POLR3H: variants seen among roughly 807,000 people sequenced by gnomAD.
POLR3H encodes DNA-directed RNA polymerase III subunit RPC8.
Under a neutral mutation model 25.5 loss-of-function variants are expected in POLR3H, and 17 were observed. The ratio of observed to expected loss-of-function variants is 0.67; its 90% CI spans 0.46 to 1.00. The LOEUF is 1.00. POLR3H is among the 50% of genes least tolerant of loss of function. The probability of loss-of-function intolerance (pLI) is 0.00; values close to 1 mark genes in which losing one functional copy is unlikely to be tolerated. For synonymous variants in POLR3H, 129 were observed against 103.0 expected, an observed-to-expected ratio of 1.25 and a Z score of -1.53; for missense variants, 274 against 265.0, an observed-to-expected ratio of 1.03 and a Z score of -0.24.
intron 3 of POLR3H, 141 bp downstream of exon 3, chr22:41,532,518 G>A (rs964597001): frequency 8.2e-6 from 12 of 1,466,360 alleles, no homozygotes; most frequent in Non-Finnish European, 9.3e-6. Flanking sequence ...ACATAAAAGG[G>A]AGGGTGGGCA....
At position 41,540,617 on chromosome 22, in the gene POLR3H, T is replaced by C. The variant is rs750373022; in HGVS notation, c.208+82A>G. ...CCTCAGCCTTACAGGCACGCACCAC[T>C]GAACCTGGATTTGGCTTGACCTTTG... On this transcript the variant is annotated intron_variant, in intron 2 of 5. Transcript: ENST00000355209. 9 of 1,081,616 alleles carry C rather than the reference T, an allele frequency of 8.3e-6. No individual in the cohort carries two copies. The South Asian group carries it at 1.0e-4, about 12-fold the overall frequency. 67.0% of individuals were successfully genotyped at this position (1,081,616 alleles called of 1,614,324 possible). A position where few individuals can be genotyped will look rare whatever the true frequency, so the allele number is the denominator to read the frequency against.
rs750252370 is a variant in POLR3H at position 41,528,855 on chromosome 22, A to G, written c.*428T>C. On this transcript the variant is annotated 3_prime_UTR_variant, in exon 6 of 6. Coordinates refer to ENST00000355209, the MANE Select transcript of POLR3H (RefSeq NM_001018050.4). The stretch of plus-strand genomic sequence containing the variant: ...ATCTTAAGCAGCTCCATGCAACTGT[A>G]TTTATTTTTGATGACAAGACTCCCA... 11 of 546,498 alleles carry G rather than the reference A, an allele frequency of 2.0e-5. No individual in the cohort carries two copies. The highest frequency in any genetic ancestry group is 3.9e-5 in the African/African-American group (2 of 51,768). The allele number at this position is 546,498 out of a possible 1,614,324, so 33.9% of individuals were successfully genotyped here.
chr22:41,533,444 A>G, intron 2 of POLR3H: 1 of 1,068,696 alleles, frequency 9.4e-7, no homozygotes, highest in Non-Finnish European at 1.2e-6. Flanking sequence ...CCGTGAGGAT[A>G]AGGCAGTGGC....
intron 5 of POLR3H, chr22:41,529,616 G>A (rs1290674511): frequency 2.3e-5 from 16 of 697,296 alleles, no homozygotes; most frequent in African/African-American, 6.9e-5. Flanking sequence ...GGTTCTAATC[G>A]TGGCAGGAAG....
At chr22:41,532,959 T>C (rs899373626) in intron 2 of POLR3H, among the ~76,000 whole-genome samples, 5 of 152,048 alleles carry the variant, frequency 3.3e-5, no homozygotes, top group African/African-American at 1.2e-4. Flanking sequence ...CTCCCAAAAC[T>C]GCCAGGTTAC....
rs1005361805 is a variant in POLR3H, at chr22:41,529,280, G to C, written c.*3C>G. ...TGGTAGGGTCCACTGTCCAGCCCCA[G>C]GGCTAGTTGCTGGTCCACCAGGAGA... On this transcript the variant is annotated 3_prime_UTR_variant, in exon 6 of 6. Transcript: ENST00000355209. 1 of 1,612,888 alleles carries C rather than the reference G, an allele frequency of 6.2e-7. No individual in the cohort carries two copies. The highest frequency in any genetic ancestry group is 1.3e-5 in the African/African-American group (1 of 75,062).
chr22:41,532,310 C>G (rs558655192), intron 3 of POLR3H, among the ~76,000 whole-genome samples, 153 bp from the exon 4 acceptor site: 3 of 151,894 alleles, frequency 2.0e-5, no homozygotes, highest in African/African-American at 7.3e-5. Flanking sequence ...CACCTAATGC[C>G]TCTGCGTACA....
At chr22:41,533,667 G>A in intron 2 of POLR3H, 1 of 1,304,020 alleles carries the variant, frequency 7.7e-7, no homozygotes, top group Non-Finnish European at 1.0e-6. Flanking sequence ...ATGAGGAGAG[G>A]CAGCCGATGG....
At chr22:41,533,399 C>T (rs1260185598) in intron 2 of POLR3H, 12 of 712,744 alleles carry the variant, frequency 1.7e-5, no homozygotes, top group South Asian at 8.4e-5. Context: ...AATCAGCACG[C>T]GGCTGCCCCC....
At chr22:41,543,677 T>A in intron 1 of POLR3H, 1 of 481,484 alleles carries the variant, frequency 2.1e-6, no homozygotes, top group Non-Finnish European at 4.0e-6. Flanking sequence ...AAACAATGCA[T>A]GGCTGGAAGG....
chr22:41,528,192 G>T lies in POLR3H; in HGVS notation c.*1091C>A, dbSNP rs1461812556. The T allele has an allele frequency of 9.1e-7, 1 of 1,103,074 alleles. No homozygotes were observed. Among genetic ancestry groups the T allele is most frequent in the Admixed American group, 2.7e-5 (1 of 37,658 alleles). 68.3% of individuals were successfully genotyped at this position (1,103,074 alleles called of 1,614,324 possible). A position where few individuals can be genotyped will look rare whatever the true frequency, so the allele number is the denominator to read the frequency against. ...AAGCAAAGTGGCTTCTCAGAGTTGGGGGTTGGAGTCAACCCGGGGCCCTCA... is the reference window on the plus strand; with the variant it reads ...AAGCAAAGTGGCTTCTCAGAGTTGGTGGTTGGAGTCAACCCGGGGCCCTCA... On this transcript the variant is annotated 3_prime_UTR_variant, in exon 6 of 6. Coordinates refer to ENST00000355209, the MANE Select transcript of POLR3H (RefSeq NM_001018050.4).
rs1422987693 is a variant in POLR3H at position 41,536,569 on chromosome 22, T to TA, written c.209-3825dup. Among the ~76,000 whole-genome samples the TA allele has an allele frequency of 9.2e-3, 1,233 of 134,302 alleles. 9 individuals carry two copies. The highest frequency in any genetic ancestry group is 0.017 in the African/African-American group (636 of 36,494). 88.1% of individuals were successfully genotyped at this position (134,302 alleles called of 152,430 possible). A position where few individuals can be genotyped will look rare whatever the true frequency, so the allele number is the denominator to read the frequency against. The stretch of plus-strand genomic sequence containing the variant: ...AATGATAAACATGTCAAAAAAGGTT[T>TA]AAAAAAAAAAAAAAGGCCAGGCGCA... On this transcript the variant is annotated intron_variant, in intron 2 of 5. Coordinates refer to ENST00000355209, the MANE Select transcript of POLR3H (RefSeq NM_001018050.4).
rs768765699 is a variant in POLR3H, at chr22:41,529,304, G to C, written c.594C>G (p.Leu198=). Residue 198 remains leucine, a synonymous_variant, in exon 6 of 6, where the codon CTC becomes CTG. Transcript: ENST00000355209. ...GSISEPGLGL[L]SWWTSN is the part of the protein sequence containing the mutation. ...AGGGCTAGTTGCTGGTCCACCAGGAGAGAAGGCCCAGGCCTGGCTCACTGA... is the reference window on the plus strand; with the variant it reads ...AGGGCTAGTTGCTGGTCCACCAGGACAGAAGGCCCAGGCCTGGCTCACTGA... The C allele has an allele frequency of 2.5e-6, 4 of 1,613,706 alleles. No individual in the cohort carries two copies. In the Admixed American group the frequency reaches 6.7e-5, roughly 27 times the overall value.
chr22:41,533,082 G>A (rs1017736097), intron 2 of POLR3H, among the ~76,000 whole-genome samples: 2 of 152,242 alleles, frequency 1.3e-5, no homozygotes, highest in South Asian at 4.1e-4. Flanking sequence ...AAAGAACGCA[G>A]GGTTTGGAAA....
At chr22:41,543,102 C>T (rs903075043) in intron 1 of POLR3H, among the ~76,000 whole-genome samples, 1 of 152,006 alleles carries the variant, frequency 6.6e-6, no homozygotes, top group Non-Finnish European at 1.5e-5. Flanking sequence ...AGATAAGGTC[C>T]CTGCTCTCAA....
At position 41,526,175 on chromosome 22, in the gene POLR3H, G is replaced by T; in HGVS notation, c.*3108C>A. 2.4e-6 allele frequency: 3 copies of T among 1,271,642 alleles called. No homozygotes were observed. 78.8% of individuals were successfully genotyped at this position (1,271,642 alleles called of 1,614,324 possible). On this transcript the variant is annotated 3_prime_UTR_variant, in exon 6 of 6. Transcript: ENST00000355209. ...CCCTCTGTCACCCCTCCTGGGCCCCGGGGCCTGCTGCCTGCCTCTGGAGGG... is the reference window on the plus strand; with the variant it reads ...CCCTCTGTCACCCCTCCTGGGCCCCTGGGCCTGCTGCCTGCCTCTGGAGGG...
At position 41,527,797 on chromosome 22, in the gene POLR3H, G is replaced by T. The variant is rs1385347058; in HGVS notation, c.*1486C>A. ...TAGTCACTGCCCGGGCATTGTCCCAGGCAGCAGGATTAGGGGCATCTCCCA... is the reference window on the plus strand; with the variant it reads ...TAGTCACTGCCCGGGCATTGTCCCATGCAGCAGGATTAGGGGCATCTCCCA... On this transcript the variant is annotated 3_prime_UTR_variant, in exon 6 of 6. Transcript: ENST00000355209. 3 of 1,569,934 alleles carry T rather than the reference G, an allele frequency of 1.9e-6. No individual in the cohort carries two copies. The highest frequency in any genetic ancestry group is 4.5e-5 in the East Asian group (2 of 44,706).
chr22:41,529,759 T>C, intron 5 of POLR3H: 1 of 443,306 alleles, frequency 2.3e-6, no homozygotes, highest in Non-Finnish European at 4.4e-6. Context: ...ACCTTTTTTT[T>C]GTTGTTTTTT....
chr22:41,534,609 G>C (rs1426482387), intron 2 of POLR3H, among the ~76,000 whole-genome samples: 8 of 152,002 alleles, frequency 5.3e-5, no homozygotes, highest in Admixed American at 5.2e-4. Context: ...CTGTGGAATG[G>C]CCCCGCGCAC....
Sources: gnomAD v4.1 joint callset for allele counts (sites outside exome capture counted in the v4.1 genomes callset) on GRCh38, gnomAD v4.1.1 for gene constraint, MANE v1.5 for transcripts, NCBI Gene and HGNC (gene_info 2026-07-23, HGNC 2026-07-21) for gene names.